SORL1: variants seen among roughly 807,000 people sequenced by gnomAD.
SORL1 encodes sortilin related receptor 1, also known as sortilin-related receptor.
A neutral mutation model predicts 273.7 loss-of-function variants in SORL1; 127 were observed. That is an observed-to-expected ratio of 0.46 (90% CI 0.40 to 0.54). The LOEUF (loss-of-function observed/expected upper bound fraction) is 0.54. Ranked by LOEUF, SORL1 falls within the 20% of genes least tolerant of loss-of-function variation. The probability of loss-of-function intolerance (pLI) is 0.00; values close to 1 mark genes in which losing one functional copy is unlikely to be tolerated. For synonymous variants in SORL1, 1,031 were observed against 1,067.4 expected, an observed-to-expected ratio of 0.97 and a Z score of 0.66; for missense variants, 2,494 against 2,846.1, an observed-to-expected ratio of 0.88 and a Z score of 2.81.
chr11:121,502,124 CTTTTTTTTTTT>C lies in SORL1; in HGVS notation c.939+5094_939+5104del, dbSNP rs57842880. 5.5e-4 allele frequency among the ~76,000 whole-genome samples: 36 copies of C among 65,184 alleles called. 1 individual carries two copies. The highest frequency in any genetic ancestry group is 1.4e-3 in the East Asian group (3 of 2,152). 42.8% of individuals were successfully genotyped at this position (65,184 alleles called of 152,430 possible). A position where few individuals can be genotyped will look rare whatever the true frequency, so the allele number is the denominator to read the frequency against. On this transcript the variant is annotated intron_variant, in intron 6 of 47. Transcript: ENST00000260197. ...GTAACTACTGGGTCATGTGACAATTCTTTTTTTTTTTTTTTTTTTTTTTTTTTTTGAGATGG... is the reference window on the plus strand; with the variant it reads ...GTAACTACTGGGTCATGTGACAATTCTTTTTTTTTTTTTTTTTTGAGATGG...
chr11:121,615,651 A>G (rs377399054), intron 41 of SORL1, among the ~76,000 whole-genome samples: 7 of 152,278 alleles, frequency 4.6e-5, no homozygotes, highest in Admixed American at 3.3e-4. Flanking sequence ...ATCCTTAGTG[A>G]TGAGCGGAGG....
chr11:121,498,925 T>A (rs2134826144), intron 6 of SORL1, among the ~76,000 whole-genome samples: 1 of 152,236 alleles, frequency 6.6e-6, no homozygotes, highest in South Asian at 2.1e-4. Flanking sequence ...TGCCCTCCAT[T>A]CTAGTCTAAC....
intron 16 of SORL1, among the ~76,000 whole-genome samples, chr11:121,553,395 G>A (rs1862533767): frequency 6.6e-6 from 1 of 152,202 alleles, no homozygotes. Flanking sequence ...AAATAGCCAA[G>A]AACAAATGCA....
At chr11:121,496,690 G>A (rs1454656471) in intron 5 of SORL1, among the ~76,000 whole-genome samples, 179 bp from the exon 6 acceptor site, 3 of 152,164 alleles carry the variant, frequency 2.0e-5, no homozygotes, top group African/African-American at 4.8e-5. Context: ...ATGGCAATTT[G>A]TCCCCTCTAT....
At chr11:121,522,731 G>A in intron 10 of SORL1, 28 bp downstream of exon 10, 1 of 1,565,444 alleles carries the variant, frequency 6.4e-7, no homozygotes. Flanking sequence ...TTCTCAAAAG[G>A]GGTTCAGCTG....
At chr11:121,460,901 C>G (rs1440485328) in intron 1 of SORL1, among the ~76,000 whole-genome samples, 1 of 152,018 alleles carries the variant, frequency 6.6e-6, no homozygotes. Context: ...CTCTATTAGC[C>G]CAGGAGACAC....
At chr11:121,519,571 T>G (rs1448981541) in intron 8 of SORL1, among the ~76,000 whole-genome samples, 1 of 152,210 alleles carries the variant, frequency 6.6e-6, no homozygotes, top group African/African-American at 2.4e-5. Context: ...CCTTGCTATA[T>G]GTACAGTTTC....
chr11:121,621,336 C>A, intron 44 of SORL1, 98 bp downstream of exon 44: 1 of 1,101,070 alleles, frequency 9.1e-7, no homozygotes, highest in Non-Finnish European at 1.3e-6. Flanking sequence ...GCGTTTGTTT[C>A]ACAGGGAGTG....
intron 12 of SORL1, among the ~76,000 whole-genome samples, chr11:121,539,617 AT>A (rs146575930): frequency 0.054 from 8,185 of 151,248 alleles, 351 homozygotes; most frequent in African/African-American, 0.11. Flanking sequence ...TTTTTTTTCT[AT>A]TTTTTTTAGA....
intron 32 of SORL1, among the ~76,000 whole-genome samples, chr11:121,602,064 G>T (rs944979595): frequency 6.6e-6 from 1 of 152,188 alleles, no homozygotes; most frequent in East Asian, 1.9e-4. Flanking sequence ...CCCGAGTCAT[G>T]GTAGGACCTC....
intron 20 of SORL1, 64 bp downstream of exon 20, chr11:121,558,901 G>A (rs1196077484): frequency 3.8e-6 from 6 of 1,590,882 alleles, no homozygotes; most frequent in Non-Finnish European, 5.2e-6. Context: ...GAGATCAGGA[G>A]CCTGCATCCC....
chr11:121,494,416 A>G (rs1048981834), intron 5 of SORL1, among the ~76,000 whole-genome samples: 23 of 152,198 alleles, frequency 1.5e-4, no homozygotes, highest in Admixed American at 1.5e-3. Context: ...AAAAATTTAC[A>G]TGGTCCGGAG....
intron 12 of SORL1, among the ~76,000 whole-genome samples, chr11:121,542,744 G>A (rs74655516): frequency 0.068 from 10,239 of 151,624 alleles, 476 homozygotes; most frequent in East Asian, 0.12. Flanking sequence ...CACTTTCACC[G>A]AATGGTTTTA....
chr11:121,573,784 G>A (rs1268511633), intron 23 of SORL1, among the ~76,000 whole-genome samples: 1 of 152,190 alleles, frequency 6.6e-6, no homozygotes, highest in East Asian at 1.9e-4. Context: ...TGCAGACAGA[G>A]CCTATGTTCC....
Position 121,614,005 on chromosome 11 carries a change from G to A in SORL1, c.5420-866G>A, listed in dbSNP as rs538922686. Reference sequence around the variant, plus strand: ...CATCTTACAAACAAGGAAATAGAGAGTTTAAATACTTTACCCAAGGTTATA... The same window carrying A: ...CATCTTACAAACAAGGAAATAGAGAATTTAAATACTTTACCCAAGGTTATA... On this transcript the variant is annotated intron_variant, in intron 40 of 47. Transcript: ENST00000260197. 7.9e-5 allele frequency among the ~76,000 whole-genome samples: 12 copies of A among 152,348 alleles called. No individual in the cohort carries two copies. The South Asian group carries it at 2.5e-3, about 32-fold the overall frequency.
intron 3 of SORL1, among the ~76,000 whole-genome samples, chr11:121,484,844 C>G (rs1861448784): frequency 1.3e-5 from 2 of 152,134 alleles, no homozygotes; most frequent in African/African-American, 4.8e-5. Flanking sequence ...ACCTCTGTCT[C>G]CCAGGTTCAA....
intron 6 of SORL1, among the ~76,000 whole-genome samples, chr11:121,512,095 T>C (rs1861888702): frequency 6.6e-6 from 1 of 152,214 alleles, no homozygotes; most frequent in African/African-American, 2.4e-5. Flanking sequence ...ATAGTTCTTA[T>C]CCTTTTTTGA....
chr11:121,581,306 T>G (rs982711235), intron 25 of SORL1, among the ~76,000 whole-genome samples: 1 of 152,196 alleles, frequency 6.6e-6, no homozygotes, highest in African/African-American at 2.4e-5. Context: ...TCATGTTTGG[T>G]TAATGCTTTT....
intron 43 of SORL1, among the ~76,000 whole-genome samples, chr11:121,620,609 T>A (rs1253051494): frequency 6.6e-6 from 1 of 152,094 alleles, no homozygotes; most frequent in African/African-American, 2.4e-5. Context: ...CCTGTTATTT[T>A]CCCCTTGCCC....
Sources: gnomAD v4.1 joint callset for allele counts (sites outside exome capture counted in the v4.1 genomes callset) on GRCh38, gnomAD v4.1.1 for gene constraint, MANE v1.5 for transcripts, NCBI Gene and HGNC (gene_info 2026-07-23, HGNC 2026-07-21) for gene names.